The following RALGPS2 variants were observed in gnomAD, a reference collection of about 807,000 sequenced individuals.
RALGPS2 encodes the protein ras-specific guanine nucleotide-releasing factor RalGPS2.
A neutral mutation model predicts 86.8 loss-of-function variants in RALGPS2; 43 were observed. That is an observed-to-expected ratio of 0.50 (90% CI 0.39 to 0.64). RALGPS2 has a LOEUF of 0.64. Among genes scored for constraint, RALGPS2 ranks in the 30% least tolerant of loss-of-function variants. The pLI is 0.00. For missense variants in RALGPS2, 536 were observed against 694.6 expected, an observed-to-expected ratio of 0.77 and a Z score of 2.57; for synonymous variants, 243 against 231.3, an observed-to-expected ratio of 1.05 and a Z score of -0.46.
At chr1:178,834,909 C>G (rs951963087) in intron 8 of RALGPS2, among the ~76,000 whole-genome samples, 13 of 152,222 alleles carry the variant, frequency 8.5e-5, no homozygotes, top group African/African-American at 2.4e-4. Context: ...TCCCAAGTAG[C>G]TGGGATTACA....
intron 14 of RALGPS2, 103 bp downstream of exon 14, chr1:178,889,799 G>A (rs533601239): frequency 1.9e-5 from 14 of 748,272 alleles, no homozygotes; most frequent in African/African-American, 1.8e-4. Context: ...ATCCCTAAGC[G>A]ATTAAGTTTT....
At chr1:178,885,844 G>A (rs1659457761) in intron 12 of RALGPS2, 125 bp from the exon 13 acceptor site, 1 of 819,602 alleles carries the variant, frequency 1.2e-6, no homozygotes. Flanking sequence ...TTCATTTGAG[G>A]CTTTTATGGT....
intron 6 of RALGPS2, among the ~76,000 whole-genome samples, chr1:178,819,505 C>T (rs571463388): frequency 2.0e-5 from 3 of 152,252 alleles, no homozygotes; most frequent in African/African-American, 7.2e-5. Context: ...TTGGAACCCC[C>T]ACCATAGATT....
intron 2 of RALGPS2, among the ~76,000 whole-genome samples, chr1:178,781,437 G>T (rs1484148206): frequency 1.3e-5 from 2 of 152,120 alleles, no homozygotes; most frequent in African/African-American, 4.8e-5. Flanking sequence ...CTTGTTTTCA[G>T]ACATTTAGAA....
At chr1:178,864,656 G>A (rs886932293) in intron 8 of RALGPS2, among the ~76,000 whole-genome samples, 2 of 152,100 alleles carry the variant, frequency 1.3e-5, no homozygotes, top group Admixed American at 6.5e-5. Flanking sequence ...GGAGTGGTTC[G>A]GAGTGGAGCA....
intron 1 of RALGPS2, among the ~76,000 whole-genome samples, chr1:178,768,459 C>T (rs1201636445): frequency 6.6e-6 from 1 of 152,170 alleles, no homozygotes; most frequent in Non-Finnish European, 1.5e-5. Context: ...CTTCTGTAAC[C>T]ATAAGCACTT....
intron 1 of RALGPS2, among the ~76,000 whole-genome samples, chr1:178,728,721 C>G (rs936812858): frequency 4.6e-5 from 7 of 151,864 alleles, no homozygotes; most frequent in Non-Finnish European, 8.8e-5. Flanking sequence ...CCTATTGAAT[C>G]CTTTTTAGTG....
rs189235675 is a variant in RALGPS2, at chr1:178,853,040, A to G, written c.607+19490A>G. 2.2e-5 allele frequency: 33 copies of G among 1,495,784 alleles called. No homozygotes were observed. In the East Asian group the frequency reaches 4.1e-4, roughly 19 times the overall value. 92.7% of individuals were successfully genotyped at this position (1,495,784 alleles called of 1,614,324 possible). On this transcript the variant is annotated intron_variant, in intron 8 of 19. Coordinates refer to ENST00000367635, the MANE Select transcript of RALGPS2 (RefSeq NM_152663.5). Reference sequence around the variant, plus strand: ...AGAGCAGTGTTAAACATTCGATAGCATAAAGATACTGGCCATTTAAGTGGT... The same window carrying G: ...AGAGCAGTGTTAAACATTCGATAGCGTAAAGATACTGGCCATTTAAGTGGT...
At chr1:178,802,465 T>C (rs892105182) in intron 4 of RALGPS2, among the ~76,000 whole-genome samples, 2 of 152,126 alleles carry the variant, frequency 1.3e-5, no homozygotes, top group African/African-American at 4.8e-5. Flanking sequence ...GTTTAGGATA[T>C]TGCACTAAAC....
At position 178,899,616 on chromosome 1, in the gene RALGPS2, T is replaced by TGTTTTG. The variant is rs556440438; in HGVS notation, c.1524+1896_1524+1901dup. On this transcript the variant is annotated intron_variant, in intron 17 of 19. Transcript: ENST00000367635. ...AAACATAGCACCACCTGTATTGTTG[T>TGTTTTG]GTTTTGGTTTTGGTTTTGGTTTTGG... Among the ~76,000 whole-genome samples, 590 of 150,650 alleles carry TGTTTTG rather than the reference T, an allele frequency of 3.9e-3. 10 individuals are homozygous for TGTTTTG. The highest frequency in any genetic ancestry group is 0.036 in the East Asian group (185 of 5,154).
intron 1 of RALGPS2, among the ~76,000 whole-genome samples, chr1:178,774,122 A>G (rs774317289): frequency 6.6e-6 from 1 of 152,112 alleles, no homozygotes; most frequent in Non-Finnish European, 1.5e-5. Context: ...AAAAATACCC[A>G]AAATTAGCTG....
chr1:178,875,140 G>A (rs1003980134), intron 8 of RALGPS2, among the ~76,000 whole-genome samples: 1 of 152,140 alleles, frequency 6.6e-6, no homozygotes, highest in Admixed American at 6.6e-5. Flanking sequence ...GCATGTTTAT[G>A]GACAATAATT....
intron 17 of RALGPS2, among the ~76,000 whole-genome samples, chr1:178,897,996 G>A (rs1402776694): frequency 6.6e-6 from 1 of 151,868 alleles, no homozygotes; most frequent in Non-Finnish European, 1.5e-5. Flanking sequence ...GGAGTTTCCT[G>A]TTCAATATTG....
intron 5 of RALGPS2, among the ~76,000 whole-genome samples, chr1:178,810,884 A>T (rs150631014): frequency 6.6e-6 from 1 of 152,076 alleles, no homozygotes; most frequent in African/African-American, 2.4e-5. Context: ...AGTGTATTAC[A>T]TGGACATATT....
intron 1 of RALGPS2, among the ~76,000 whole-genome samples, chr1:178,750,849 AG>A (rs1392498371): frequency 6.6e-6 from 1 of 152,232 alleles, no homozygotes; most frequent in Non-Finnish European, 1.5e-5. Flanking sequence ...CCAGTCACCC[AG>A]AACAGTGGTT....
chr1:178,753,907 G>C (rs1335259106), intron 1 of RALGPS2: 1 of 151,648 alleles, frequency 6.6e-6, no homozygotes, highest in East Asian at 1.9e-4. Context: ...TCTTGACTCA[G>C]TGCAAGCTCC....
intron 2 of RALGPS2, among the ~76,000 whole-genome samples, chr1:178,783,194 A>G (rs1572327738): frequency 1.3e-5 from 2 of 152,224 alleles, no homozygotes; most frequent in South Asian, 2.1e-4. Flanking sequence ...ATTCAAAAGC[A>G]CTGTGACAAA....
At chr1:178,734,345 C>G (rs1442573951) in intron 1 of RALGPS2, among the ~76,000 whole-genome samples, 1 of 152,198 alleles carries the variant, frequency 6.6e-6, no homozygotes, top group African/African-American at 2.4e-5. Context: ...CCAGCAGTTC[C>G]TCTCCTAGAA....
At chr1:178,867,992 T>C (rs933891216) in intron 8 of RALGPS2, among the ~76,000 whole-genome samples, 3 of 151,938 alleles carry the variant, frequency 2.0e-5, no homozygotes, top group Non-Finnish European at 4.4e-5. Flanking sequence ...GTATGGAGAA[T>C]TATTATTATT....
Sources: allele counts gnomAD v4.1 joint callset (sites outside exome capture counted in the v4.1 genomes callset), GRCh38; gene constraint gnomAD v4.1.1; transcripts MANE v1.5; gene names NCBI Gene and HGNC (gene_info 2026-07-23, HGNC 2026-07-21).